Variants in MAPKBP1 observed in about 807,000 individuals in gnomAD.
MAPKBP1 encodes mitogen-activated protein kinase binding protein 1.
Under a neutral mutation model 170.5 loss-of-function variants are expected in MAPKBP1, and 71 were observed. The observed-to-expected ratio is 0.42, with a 90% CI of 0.34 to 0.51. The LOEUF is 0.51. Ranked by LOEUF, MAPKBP1 falls within the 20% of genes least tolerant of loss-of-function variation. MAPKBP1 has a pLI of 0.06. For missense variants in MAPKBP1, 1,598 were observed against 1,933.0 expected, an observed-to-expected ratio of 0.83 and a Z score of 3.25; for synonymous variants, 719 against 757.9, an observed-to-expected ratio of 0.95 and a Z score of 0.84.
chr15:41,796,611 C>G (rs958733067), intron 2 of MAPKBP1, among the ~76,000 whole-genome samples: 9 of 152,176 alleles, frequency 5.9e-5, no homozygotes, highest in African/African-American at 9.7e-5. Flanking sequence ...CTTTTCCCCC[C>G]CCTTGGATAG....
At position 41,823,085 on chromosome 15, in the gene MAPKBP1, C is replaced by A; in HGVS notation, c.3461C>A (p.Pro1154His). The A allele has an allele frequency of 1.2e-6, 2 of 1,613,930 alleles. No homozygotes were observed. Among genetic ancestry groups the A allele is most frequent in the Non-Finnish European group, 1.7e-6 (2 of 1,179,988 alleles). The change falls in exon 28 of 31, where the codon CCC becomes CAC. Residue 1154 changes from proline to histidine, a missense_variant. By Grantham distance (77) the Pro-to-His change is moderately conservative. Around this residue, in one of 6 missense-constraint regions of MAPKBP1, gnomAD observed 942 missense variants for 953.2 expected, o/e 0.99. Transcript: ENST00000457542. Reference sequence around the variant, plus strand: ...GAACCGTCCTCTGGCAACCCCAGCCCCCAGCAGGCAGCCTCTGTGCTGTTG... The same window carrying A: ...GAACCGTCCTCTGGCAACCCCAGCCACCAGCAGGCAGCCTCTGTGCTGTTG... The part of the protein sequence containing the change: ...EVEPSSGNPS[P>H]QQAASVLLPR...
intron 21 of MAPKBP1, 43 bp from the exon 22 acceptor site, chr15:41,819,552 G>GGGGA: frequency 1.3e-6 from 2 of 1,508,796 alleles, no homozygotes; most frequent in African/African-American, 1.4e-5. Context: ...GGTGGCGGGG[G>GGGGA]GGGGGCAGGA....
intron 2 of MAPKBP1, among the ~76,000 whole-genome samples, chr15:41,792,889 T>C (rs757993083): frequency 6.6e-6 from 1 of 152,110 alleles, no homozygotes; most frequent in Non-Finnish European, 1.5e-5. Flanking sequence ...TGTGGAAAGA[T>C]GCTGTAGTAT....
At chr15:41,816,750 C>T (rs1266715349) in intron 13 of MAPKBP1, 100 bp downstream of exon 13, 3 of 1,445,050 alleles carry the variant, frequency 2.1e-6, no homozygotes, top group East Asian at 2.3e-5. Flanking sequence ...ATCTTTGGAT[C>T]ATTGGTGTCT....
In MAPKBP1 at chr15:41,821,746, AC is replaced by A; in HGVS notation, c.2883del (p.Ser962ValfsTer102). On this transcript the variant is annotated frameshift_variant, in exon 24 of 31. Coordinates refer to ENST00000457542, the MANE Select transcript of MAPKBP1 (RefSeq NM_014994.3). LOFTEE classifies it high-confidence loss of function. The stretch of plus-strand genomic sequence containing the variant: ...GCCGAGTGACAACCCCACCATGGAT[AC>A]CAGGCAAGGATCCTGCCCTAGCCAG... ...PEPSDNPTMD[T>X]SEFQVQAPAR... The A allele has an allele frequency of 6.2e-7, 1 of 1,613,372 alleles. No homozygotes were observed. Among genetic ancestry groups the A allele is most frequent in the Non-Finnish European group, 8.5e-7 (1 of 1,179,926 alleles).
intron 2 of MAPKBP1, among the ~76,000 whole-genome samples, chr15:41,790,127 A>G (rs1476991287): frequency 2.0e-5 from 3 of 152,232 alleles, no homozygotes; most frequent in Non-Finnish European, 4.4e-5. Flanking sequence ...GCTACAAAGT[A>G]TACATTCAGT....
rs1398984580 is a variant in MAPKBP1, at chr15:41,786,690, G to A, written c.114+11301G>A. 4.8e-5 allele frequency among the ~76,000 whole-genome samples: 7 copies of A among 145,492 alleles called. No homozygotes were observed. The South Asian group carries it at 1.1e-3, about 23-fold the overall frequency. On this transcript the variant is annotated intron_variant, in intron 2 of 30. Transcript: ENST00000457542. ...TGAGGCAAGAGAATGACATGAACCC[G>A]GAAGGCAGAGCTTGCAGTGAGCCAA...
chr15:41,820,538 G>A (rs2064977686), intron 22 of MAPKBP1, among the ~76,000 whole-genome samples: 1 of 152,152 alleles, frequency 6.6e-6, no homozygotes, highest in Non-Finnish European at 1.5e-5. Context: ...GAGACTAGGG[G>A]TTCCTGTGCC....
chr15:41,808,105 C>CTTTTTTTT (rs544983500), intron 3 of MAPKBP1, among the ~76,000 whole-genome samples: 49 of 109,452 alleles, frequency 4.5e-4, no homozygotes, highest in African/African-American at 4.9e-4. Flanking sequence ...TTCTTTCTTT[C>CTTTTTTTT]TTTTTTTTTT....
rs2065070955 is a variant in MAPKBP1, at chr15:41,825,272, T to A, written c.4363T>A (p.Phe1455Ile). 2 of 1,611,150 alleles carry A rather than the reference T, an allele frequency of 1.2e-6. No homozygotes were observed. Among genetic ancestry groups the A allele is most frequent in the African/African-American group, 1.3e-5 (1 of 74,908 alleles). ...GATTGCCCAGCTCCTCAGAGACACC[T>A]TCTCTTCAGTGCGACAGGAGCTGGA... ...SRIAQLLRDTFSSVRQELEAV... is the reference protein window; with the variant it reads ...SRIAQLLRDTISSVRQELEAV... The change falls in exon 31 of 31, where the codon TTC becomes ATC. Residue 1455 changes from phenylalanine to isoleucine, a missense_variant. Transcript: ENST00000457542.
intron 2 of MAPKBP1, among the ~76,000 whole-genome samples, chr15:41,792,912 G>A (rs2064419473): frequency 1.3e-5 from 2 of 152,054 alleles, no homozygotes; most frequent in African/African-American, 2.4e-5. Flanking sequence ...AGAGGGGTGG[G>A]TCATTGGTTC....
rs182478634 is a variant in MAPKBP1 at position 41,783,663 on chromosome 15, G to A, written c.114+8274G>A. 3.4e-3 allele frequency among the ~76,000 whole-genome samples: 516 copies of A among 152,328 alleles called. 3 individuals carry two copies. The highest frequency in any genetic ancestry group is 6.0e-3 in the Admixed American group (92 of 15,306). Reference sequence around the variant, plus strand: ...AGCAGAGGGAGCCCCAAGCCAGATGGATTGGATGGAGAACAGCCCATAGGC... The same window carrying A: ...AGCAGAGGGAGCCCCAAGCCAGATGAATTGGATGGAGAACAGCCCATAGGC... On this transcript the variant is annotated intron_variant, in intron 2 of 30. Transcript: ENST00000457542.
At chr15:41,805,136 C>G (rs1286909078) in intron 3 of MAPKBP1, among the ~76,000 whole-genome samples, 1 of 152,162 alleles carries the variant, frequency 6.6e-6, no homozygotes, top group Non-Finnish European at 1.5e-5. Flanking sequence ...CAAACCAAAA[C>G]AAAGTTTTCT....
chr15:41,810,905 C>A lies in MAPKBP1; in HGVS notation c.229C>A (p.Pro77Thr). 1 of 1,614,090 alleles carries A rather than the reference C, an allele frequency of 6.2e-7. No homozygotes were observed. Among genetic ancestry groups the A allele is most frequent in the Non-Finnish European group, 8.5e-7 (1 of 1,180,018 alleles). The change falls in exon 4 of 31, where the codon CCC becomes ACC. Residue 77 changes from proline (P) to threonine (T), a missense_variant. By Grantham distance (38) the Pro-to-Thr change is conservative. Around this residue, in one of 6 missense-constraint regions of MAPKBP1, gnomAD observed 151 missense variants for 191.4 expected, o/e 0.79. Transcript: ENST00000457542. ...PAGCVVVLFNPRKHKQHHILN... is the reference protein window; with the variant it reads ...PAGCVVVLFNTRKHKQHHILN... ...CAGGTGTGTGGTTGTGTTGTTCAAT[C>A]CCCGGAAACACAAACAGCACCACAT...
In MAPKBP1 at chr15:41,818,142, G is replaced by A; in HGVS notation, c.1981-52G>A. 6.2e-7 allele frequency: 1 copy of A among 1,609,750 alleles called. No individual in the cohort carries two copies. Among genetic ancestry groups the A allele is most frequent in the Non-Finnish European group, 8.5e-7 (1 of 1,176,046 alleles). On this transcript the variant is annotated intron_variant, in intron 17 of 30. Transcript: ENST00000457542. This position sits in a 1 kb window ranked among gnomAD's most constrained non-coding sequence, Gnocchi z 5.2. ...TCGGGGACAGAGTGGTGCTGGGTGG[G>A]AGGGACTGGTACTTCCCATGTCCTC...
chr15:41,823,382 G>C lies in MAPKBP1; in HGVS notation c.3599-65G>C. 1.9e-6 allele frequency: 3 copies of C among 1,559,706 alleles called. No homozygotes were observed. The South Asian group carries it at 3.6e-5, about 19-fold the overall frequency. ...AGGGGAACAGCAGCTCTTCGGGATT[G>C]GGTGTTGGCACCTGGGATGCCTTCC... On this transcript the variant is annotated intron_variant, in intron 28 of 30. Coordinates refer to ENST00000457542, the MANE Select transcript of MAPKBP1 (RefSeq NM_014994.3).
chr15:41,812,254 T>C (rs1415554639), intron 6 of MAPKBP1, 127 bp downstream of exon 6: 1 of 1,390,636 alleles, frequency 7.2e-7, no homozygotes, highest in Non-Finnish European at 9.9e-7. Flanking sequence ...AGAAAGTTAT[T>C]TGAAGCAGAA....
At position 41,821,661 on chromosome 15, in the gene MAPKBP1, A is replaced by G; in HGVS notation, c.2796A>G (p.Glu932=). 6.2e-7 allele frequency: 1 copy of G among 1,614,178 alleles called. No homozygotes were observed. Among genetic ancestry groups the G allele is most frequent in the Non-Finnish European group, 8.5e-7 (1 of 1,180,010 alleles). ...TTATCCGATTATTGTCACAAGAGGA[A>G]GGGGTCTTTGCCCAAGATCTGGAAC... ...PHIIRLLSQE[E]GVFAQDLEPA... is the part of the protein sequence containing the mutation. Residue 932 remains glutamate (E), a synonymous_variant, in exon 24 of 31, where the codon GAA becomes GAG. Coordinates refer to ENST00000457542, the MANE Select transcript of MAPKBP1 (RefSeq NM_014994.3).
intron 2 of MAPKBP1, among the ~76,000 whole-genome samples, chr15:41,798,616 CAATAAGAGAGA>C (rs2064538203): frequency 6.6e-6 from 1 of 152,010 alleles, no homozygotes; most frequent in Non-Finnish European, 1.5e-5. Flanking sequence ...GCGGTTGGAG[CAATAAGAGAGA>C]AGGAGAAACT....
Sources: gnomAD v4.1 joint callset for allele counts (sites outside exome capture counted in the v4.1 genomes callset) on GRCh38, gnomAD v4.1.1 for gene constraint, gnomAD v4.1.1 regional missense constraint, Gnocchi (gnomAD v3.1) non-coding constraint, MANE v1.5 for transcripts, NCBI Gene and HGNC (gene_info 2026-07-23, HGNC 2026-07-21) for gene names.